The following ZNF208 variants were observed in gnomAD, a reference collection of about 807,000 sequenced individuals.
ZNF208 encodes the protein zinc finger protein 95.
In ZNF208, 10 loss-of-function variants were observed where a neutral mutation model predicts 12.1. That is an observed-to-expected ratio of 0.83 (90% CI 0.51 to 1.40). ZNF208 has a LOEUF of 1.40. Among genes scored for constraint, ZNF208 ranks in the 40% most tolerant of loss-of-function variants. The pLI is 0.00. For synonymous variants in ZNF208, 497 were observed against 488.4 expected, an observed-to-expected ratio of 1.02 and a Z score of -0.23; for missense variants, 1,652 against 1,485.0, an observed-to-expected ratio of 1.11 and a Z score of -1.85.
rs547582748 is a variant in ZNF208, at chr19:21,973,027, T to C, written c.2007A>G (p.Glu669=). The C allele has an allele frequency of 6.2e-7, 1 of 1,613,618 alleles. No individual in the cohort carries two copies. The highest frequency in any genetic ancestry group is 1.3e-5 in the African/African-American group (1 of 74,998). Residue 669 remains glutamate (E), a synonymous_variant, in exon 4 of 4, where the codon GAA becomes GAG. Transcript: ENST00000397126. ...AGAACTTACTAAAGGCTTTGCCACA[T>C]TCTTTACATTTGTAGGGCTTCTCTC... ...HAGEKPYKCK[E]CGKAFSKFSI... is the part of the protein sequence containing the mutation.
In ZNF208 at chr19:21,972,223, T is replaced by A. The variant is rs1027897004; in HGVS notation, c.2811A>T (p.Lys937Asn). Residue 937 changes from lysine (K) to asparagine (N), a missense_variant, in exon 4 of 4, where the codon AAA (lysine) becomes AAT (asparagine). Coordinates refer to ENST00000397126, the MANE Select transcript of ZNF208 (RefSeq NM_007153.3). ...SWLSVFSKHKKTHAGEKFYKC... is the reference protein window; with the variant it reads ...SWLSVFSKHKNTHAGEKFYKC... ...TGTAGAATTTCTCTCCAGCATGAGT[T>A]TTCTTATGTTTACTAAAGACTGACA... 1 of 1,613,376 alleles carries A rather than the reference T, an allele frequency of 6.2e-7. No homozygotes were observed. Among genetic ancestry groups the A allele is most frequent in the Non-Finnish European group, 8.5e-7 (1 of 1,179,876 alleles).
At chr19:21,956,042 T>C (rs965737385) in intron 4 of ZNF208, among the ~76,000 whole-genome samples, 9 of 152,212 alleles carry the variant, frequency 5.9e-5, no homozygotes, top group African/African-American at 2.2e-4. Context: ...TGTTTGTTAA[T>C]TTTCCTTCTA....
At chr19:21,963,166 T>A (rs561344196), downstream of ZNF208, among the ~76,000 whole-genome samples, 3 of 152,196 alleles carry the variant, frequency 2.0e-5, no homozygotes, top group East Asian at 5.8e-4. Flanking sequence ...GTTTTGGTGA[T>A]ACTCCTGTGC....
At chr19:22,010,547 C>T (rs1454889406) in intron 1 of ZNF208, among the ~76,000 whole-genome samples, 1 of 152,218 alleles carries the variant, frequency 6.6e-6, no homozygotes, top group Non-Finnish European at 1.5e-5. Flanking sequence ...GGGTGCAGAG[C>T]GGCCCCAAGA....
intron 4 of ZNF208, among the ~76,000 whole-genome samples, chr19:21,948,721 T>C (rs1969849466): frequency 1.3e-5 from 2 of 152,126 alleles, no homozygotes; most frequent in South Asian, 4.1e-4. Context: ...TAATGTTACA[T>C]GGAGAGATGC....
At chr19:21,964,586 A>G (rs1238878553), downstream of ZNF208, among the ~76,000 whole-genome samples, 1 of 151,862 alleles carries the variant, frequency 6.6e-6, no homozygotes, top group Non-Finnish European at 1.5e-5. Flanking sequence ...TTAACCAAAT[A>G]CTTTGGTAAA....
chr19:21,993,859 A>C (rs1350293906), intron 1 of ZNF208, among the ~76,000 whole-genome samples: 1 of 152,194 alleles, frequency 6.6e-6, no homozygotes, highest in Non-Finnish European at 1.5e-5. Flanking sequence ...GCAATTTCTG[A>C]GTAAGTCTGC....
rs911661719 is a variant in ZNF208, at chr19:21,969,415, C to T, written c.*1776G>A. On this transcript the variant is annotated 3_prime_UTR_variant, in exon 4 of 4. Coordinates refer to ENST00000397126, the MANE Select transcript of ZNF208 (RefSeq NM_007153.3). The stretch of plus-strand genomic sequence containing the variant: ...CTTTAGTTTTGGATTTTTTCCTATA[C>T]TCAGCAGTCTGATTTAGTGTAATAT... 6.6e-6 allele frequency among the ~76,000 whole-genome samples: 1 copy of T among 152,072 alleles called. No homozygotes were observed. Among genetic ancestry groups the T allele is most frequent in the Non-Finnish European group, 1.5e-5 (1 of 68,020 alleles).
intron 2 of ZNF208, among the ~76,000 whole-genome samples, 193 bp from the exon 3 acceptor site, chr19:21,987,504 T>C (rs1970648661): frequency 6.6e-6 from 1 of 152,176 alleles, no homozygotes; most frequent in South Asian, 2.1e-4. Context: ...GACAATATGT[T>C]GTGGAAAGCC....
Position 21,971,704 on chromosome 19 carries a change from C to A in ZNF208, c.3330G>T (p.Glu1110Asp). The A allele has an allele frequency of 6.2e-7, 1 of 1,613,808 alleles. No homozygotes were observed. The highest frequency in any genetic ancestry group is 8.5e-7 in the Non-Finnish European group (1 of 1,179,970). ...LMEHKRIHTG[E>D]KPYKCEECGK... is the part of the protein sequence containing the mutation. Reference sequence around the variant, plus strand: ...CACATTCTTCACATTTGTAGGGTTTCTCTCCAGTATGAATTCTCTTATGTT... The same window carrying A: ...CACATTCTTCACATTTGTAGGGTTTATCTCCAGTATGAATTCTCTTATGTT... Residue 1110 changes from glutamate (E) to aspartate (D), a missense_variant, in exon 4 of 4, where the codon GAG (glutamate) becomes GAT (aspartate). Coordinates refer to ENST00000397126, the MANE Select transcript of ZNF208 (RefSeq NM_007153.3).
At chr19:21,954,750 C>G (rs1969945977) in intron 4 of ZNF208, among the ~76,000 whole-genome samples, 1 of 152,084 alleles carries the variant, frequency 6.6e-6, no homozygotes, top group African/African-American at 2.4e-5. Context: ...GATGGGTTTC[C>G]TGAATACAAC....
At chr19:21,942,748 AC>A (rs1318210978) in intron 4 of ZNF208, among the ~76,000 whole-genome samples, 1 of 152,078 alleles carries the variant, frequency 6.6e-6, no homozygotes, top group African/African-American at 2.4e-5. Flanking sequence ...TCCTGGGTTC[AC>A]ACAATTCTCC....
chr19:21,990,324 CATTT>C lies in ZNF208; in HGVS notation c.4-1419_4-1416del, dbSNP rs1284311628. Among the ~76,000 whole-genome samples, 30 of 152,292 alleles carry C rather than the reference CATTT, an allele frequency of 2.0e-4. No individual in the cohort carries two copies. The East Asian group carries it at 5.4e-3, about 27-fold the overall frequency. On this transcript the variant is annotated intron_variant, in intron 1 of 3. Transcript: ENST00000397126. Reference sequence around the variant, plus strand: ...TATGGCTAGCCAGTTTTCCCAGCACCATTTATTAAATAAGGAATCCTTTCCCCAT... The same window carrying C: ...TATGGCTAGCCAGTTTTCCCAGCACCATTAAATAAGGAATCCTTTCCCCAT...
intron 4 of ZNF208, among the ~76,000 whole-genome samples, chr19:21,959,603 G>A (rs1000103738): frequency 1.3e-5 from 2 of 152,154 alleles, no homozygotes; most frequent in African/African-American, 4.8e-5. Flanking sequence ...ATGCCTTTGA[G>A]GGGGGAAAAT....
chr19:21,957,845 ATTATTATACT>A (rs952255210), intron 4 of ZNF208, among the ~76,000 whole-genome samples: 21 of 151,622 alleles, frequency 1.4e-4, no homozygotes, highest in African/African-American at 5.1e-4. Context: ...TTATTTTATT[ATTATTATACT>A]TTAAGTTTTA....
chr19:21,942,769 C>T (rs1411396989), intron 4 of ZNF208, among the ~76,000 whole-genome samples: 1 of 152,086 alleles, frequency 6.6e-6, no homozygotes, highest in Admixed American at 6.5e-5. Context: ...CTGCCTCAAC[C>T]CCCTGAGTAG....
downstream of ZNF208, among the ~76,000 whole-genome samples, chr19:21,962,008 G>T (rs187608247): frequency 8.9e-4 from 135 of 152,224 alleles, no homozygotes; most frequent in Non-Finnish European, 1.7e-3. Flanking sequence ...AGTAAGACAG[G>T]TGAAAGAAAT....
chr19:22,002,504 G>C (rs1166482629), intron 1 of ZNF208, among the ~76,000 whole-genome samples: 2 of 151,916 alleles, frequency 1.3e-5, no homozygotes, highest in Non-Finnish European at 2.9e-5. Context: ...AAAGTCTCAG[G>C]ATACAAAAGA....
intron 1 of ZNF208, among the ~76,000 whole-genome samples, chr19:22,002,033 G>A (rs1258942203): frequency 6.6e-6 from 1 of 151,760 alleles, no homozygotes; most frequent in Non-Finnish European, 1.5e-5. Context: ...GGGATTTAAG[G>A]TTTGCTCAAC....
Sources: allele counts gnomAD v4.1 joint callset (sites outside exome capture counted in the v4.1 genomes callset), GRCh38; gene constraint gnomAD v4.1.1; transcripts MANE v1.5; gene names NCBI Gene and HGNC (gene_info 2026-07-23, HGNC 2026-07-21).